Variants in PTPRM observed in about 807,000 individuals in gnomAD.
PTPRM encodes protein tyrosine phosphatase receptor type M.
Under a neutral mutation model 186.7 loss-of-function variants are expected in PTPRM, and 47 were observed. That is an observed-to-expected ratio of 0.25 (90% CI 0.20 to 0.32). PTPRM has a LOEUF of 0.32. Ranked by LOEUF, PTPRM falls within the 10% of genes least tolerant of loss-of-function variation. The pLI is 1.00. For missense variants in PTPRM, 1,494 were observed against 1,865.0 expected (o/e 0.80, Z 3.66); for synonymous variants, 668 against 674.9 (o/e 0.99, Z 0.16).
intron 3 of PTPRM, among the ~76,000 whole-genome samples, chr18:7,900,760 A>G (rs2049625613): frequency 6.6e-6 from 1 of 152,248 alleles, no homozygotes; most frequent in African/African-American, 2.4e-5. Context: ...GGGAGCTAAT[A>G]TGACCTACCT....
intron 2 of PTPRM, among the ~76,000 whole-genome samples, chr18:7,812,924 C>T (rs557254977): frequency 9.9e-5 from 15 of 152,216 alleles, no homozygotes; most frequent in Admixed American, 6.5e-4. Context: ...GAGGTTGAAC[C>T]GAAGCACAGA....
intron 14 of PTPRM, among the ~76,000 whole-genome samples, chr18:8,173,587 G>A (rs573861005): frequency 2.8e-4 from 42 of 152,280 alleles, no homozygotes; most frequent in Admixed American, 2.4e-3. Context: ...ACACGAGGTC[G>A]GCTATGCCAT....
intron 7 of PTPRM, among the ~76,000 whole-genome samples, chr18:7,958,403 T>G (rs903700351): frequency 1.3e-5 from 2 of 152,046 alleles, no homozygotes; most frequent in Non-Finnish European, 2.9e-5. Flanking sequence ...GCAATCAGGA[T>G]AGGAAAGGAT....
chr18:7,955,182 A>G lies in PTPRM; in HGVS notation c.900A>G (p.Ile300Met). ...LASVGATYLW[I>M]QLNANSINGD... Reference sequence around the variant, plus strand: ...CTGTAGGAGCCACCTACCTGTGGATACAGCTCAACGCCAACTCCATCAATG... The same window carrying G: ...CTGTAGGAGCCACCTACCTGTGGATGCAGCTCAACGCCAACTCCATCAATG... The change falls in exon 7 of 33, where the codon ATA becomes ATG. Residue 300 changes from isoleucine (I) to methionine (M), a missense_variant. Around this residue, in one of 3 missense-constraint regions of PTPRM, gnomAD observed 91 missense variants for 169.3 expected, o/e 0.54. Coordinates refer to ENST00000580170, the MANE Select transcript of PTPRM (RefSeq NM_001105244.2). The G allele has an allele frequency of 6.2e-7, 1 of 1,614,184 alleles. No individual in the cohort carries two copies. Among genetic ancestry groups the G allele is most frequent in the Non-Finnish European group, 8.5e-7 (1 of 1,180,018 alleles).
chr18:8,367,560 C>T (rs1176451399), intron 23 of PTPRM, among the ~76,000 whole-genome samples: 1 of 152,268 alleles, frequency 6.6e-6, no homozygotes, highest in African/African-American at 2.4e-5. Context: ...CGGCTGCTGC[C>T]TGCAGCCGAC....
In PTPRM at chr18:8,021,317, G is replaced by GACACACAC. The variant is rs35335855; in HGVS notation, c.1133-48333_1133-48326dup. 1.5e-4 allele frequency among the ~76,000 whole-genome samples: 22 copies of GACACACAC among 142,992 alleles called. No homozygotes were observed. In the East Asian group the frequency reaches 1.7e-3, roughly 11 times the overall value. 93.8% of individuals were successfully genotyped at this position (142,992 alleles called of 152,430 possible). Reference sequence around the variant, plus strand: ...GTGATTTGTGCTTAAGCATAAAAGAGACACACACACACACACACACACACA... The same window carrying GACACACAC: ...GTGATTTGTGCTTAAGCATAAAAGAGACACACACACACACACACACACACACACACACA... On this transcript the variant is annotated intron_variant, in intron 7 of 32. Coordinates refer to ENST00000580170, the MANE Select transcript of PTPRM (RefSeq NM_001105244.2).
At chr18:7,830,534 A>T (rs541583506) in intron 2 of PTPRM, among the ~76,000 whole-genome samples, 2 of 152,288 alleles carry the variant, frequency 1.3e-5, no homozygotes, top group South Asian at 4.2e-4. Context: ...CATCATATAT[A>T]TGGTCTGTCA....
chr18:7,690,630 A>C (rs990196920), intron 1 of PTPRM, among the ~76,000 whole-genome samples: 1 of 152,210 alleles, frequency 6.6e-6, no homozygotes. Flanking sequence ...AGTGTTTTCA[A>C]GAGAGAAGTT....
chr18:7,926,736 T>G, intron 5 of PTPRM, 53 bp downstream of exon 5: 1 of 1,383,458 alleles, frequency 7.2e-7, no homozygotes, highest in Non-Finnish European at 1.0e-6. Flanking sequence ...AAGAATACAC[T>G]CCCCCTGGAG....
intron 1 of PTPRM, among the ~76,000 whole-genome samples, chr18:7,609,708 G>A (rs1224156487): frequency 6.6e-6 from 1 of 152,108 alleles, no homozygotes; most frequent in African/African-American, 2.4e-5. Flanking sequence ...ACTGCCATTG[G>A]AGGATCTCCC....
At chr18:8,279,619 C>T (rs59495969) in intron 19 of PTPRM, among the ~76,000 whole-genome samples, 5,557 of 152,238 alleles carry the variant, frequency 0.037, 96 homozygotes, top group South Asian at 0.062. Flanking sequence ...TGAGACAGAA[C>T]GTCTCCCTGC....
chr18:7,966,794 C>G (rs1472574983), intron 7 of PTPRM, among the ~76,000 whole-genome samples: 9 of 133,990 alleles, frequency 6.7e-5, no homozygotes, highest in Admixed American at 1.5e-4. Flanking sequence ...ACACCTGGCT[C>G]GGAGGGTCCT....
chr18:7,629,688 A>G (rs2038145891), intron 1 of PTPRM, among the ~76,000 whole-genome samples: 1 of 152,222 alleles, frequency 6.6e-6, no homozygotes, highest in Non-Finnish European at 1.5e-5. Flanking sequence ...CCAGAACCAC[A>G]TTAAAGATTT....
chr18:7,952,732 G>T (rs138333875), intron 6 of PTPRM, among the ~76,000 whole-genome samples: 2 of 149,608 alleles, frequency 1.3e-5, no homozygotes, highest in Non-Finnish European at 3.0e-5. Flanking sequence ...TTGGCCGGGC[G>T]TGGTGGCTCA....
intron 2 of PTPRM, among the ~76,000 whole-genome samples, chr18:7,825,761 T>A (rs1383328093): frequency 6.6e-6 from 1 of 152,162 alleles, no homozygotes; most frequent in Non-Finnish European, 1.5e-5. Context: ...ATTTATTCAT[T>A]CATGAAATAT....
At chr18:7,656,786 A>G (rs1008896153) in intron 1 of PTPRM, among the ~76,000 whole-genome samples, 1 of 152,028 alleles carries the variant, frequency 6.6e-6, no homozygotes, top group Non-Finnish European at 1.5e-5. Flanking sequence ...CATGGTGGGG[A>G]TTCATTTATG....
chr18:7,905,812 ATTT>A (rs775813118), intron 3 of PTPRM, among the ~76,000 whole-genome samples: 92 of 152,000 alleles, frequency 6.1e-4, no homozygotes, highest in Non-Finnish European at 1.0e-3. Flanking sequence ...CACTTACTGT[ATTT>A]TTTTTCACTT....
chr18:7,567,947 G>C lies in PTPRM; in HGVS notation c.73+56G>C. On this transcript the variant is annotated intron_variant, in intron 1 of 32. Transcript: ENST00000580170. The surrounding 1 kb of genome is among the most constrained non-coding windows in gnomAD (Gnocchi z 4.3). ...GCGCGCGGGCCGGCGCGGGACGCCC[G>C]GGACGCCGACAGCTCCCTGGTGGTA... The C allele has an allele frequency of 2.7e-6, 4 of 1,495,868 alleles. No individual in the cohort carries two copies. Among genetic ancestry groups the C allele is most frequent in the Non-Finnish European group, 3.5e-6 (4 of 1,129,390 alleles). 92.7% of individuals were successfully genotyped at this position (1,495,868 alleles called of 1,614,324 possible).
chr18:7,695,868 A>T (rs1014586578), intron 1 of PTPRM, among the ~76,000 whole-genome samples: 8 of 152,216 alleles, frequency 5.3e-5, no homozygotes, highest in Non-Finnish European at 1.0e-4. Flanking sequence ...TGTTCTCATA[A>T]TCATTTAAAG....
Sources: allele counts gnomAD v4.1 joint callset (sites outside exome capture counted in the v4.1 genomes callset), GRCh38; gene constraint gnomAD v4.1.1; regional missense constraint gnomAD v4.1.1; non-coding constraint Gnocchi (gnomAD v3.1); transcripts MANE v1.5; gene names NCBI Gene and HGNC (gene_info 2026-07-23, HGNC 2026-07-21).